HERC4: variants seen among roughly 807,000 people sequenced by gnomAD.
HERC4 encodes the protein probable E3 ubiquitin-protein ligase HERC4.
A neutral mutation model predicts 124.3 loss-of-function variants in HERC4; 28 were observed. The ratio of observed to expected loss-of-function variants is 0.23; its 90% confidence interval spans 0.17 to 0.31. The LOEUF (loss-of-function observed/expected upper bound fraction) is 0.31, where lower values mean the gene tolerates loss of function less well. HERC4 is among the 10% of genes least tolerant of loss of function. The pLI, the probability that HERC4 is intolerant of heterozygous loss-of-function variation, is 1.00. For missense variants in HERC4, 713 were observed against 1,229.3 expected (o/e 0.58, Z 6.28); for synonymous variants, 407 against 421.5 (o/e 0.97, Z 0.42).
At chr10:67,984,644 A>G (rs2036154401) in intron 15 of HERC4, among the ~76,000 whole-genome samples, 2 of 152,070 alleles carry the variant, frequency 1.3e-5, no homozygotes, top group South Asian at 2.1e-4. Context: ...GTGCAATGGC[A>G]CGATTTCGAC....
chr10:68,068,172 G>A (rs917479964), intron 3 of HERC4: 2 of 152,170 alleles, frequency 1.3e-5, no homozygotes, highest in African/African-American at 4.8e-5. Context: ...AACATAGGGA[G>A]ACCCCCTTCT....
At chr10:68,036,907 T>C (rs2039501872) in intron 5 of HERC4, among the ~76,000 whole-genome samples, 1 of 152,116 alleles carries the variant, frequency 6.6e-6, no homozygotes, top group Non-Finnish European at 1.5e-5. Context: ...AGTACATATT[T>C]TTTTCTGCCT....
chr10:67,966,330 A>C (rs10509292), intron 16 of HERC4: 22,486 of 217,358 alleles, frequency 0.1, 1,543 homozygotes, highest in South Asian at 0.17. Context: ...CATTCTTAGG[A>C]GTTCCAGTAT....
chr10:68,070,321 C>T (rs2041507851), intron 3 of HERC4: 2 of 954,454 alleles, frequency 2.1e-6, no homozygotes, highest in Non-Finnish European at 2.5e-6. Context: ...TAAAAAACAT[C>T]TTAGGCCAGG....
At chr10:67,974,682 T>C (rs17533770) in intron 15 of HERC4, among the ~76,000 whole-genome samples, 14,271 of 152,256 alleles carry the variant, frequency 0.094, 899 homozygotes, top group Middle Eastern at 0.18. Context: ...GTATGCTTAT[T>C]GTTAATTTTT....
At chr10:67,980,724 T>C (rs1054796868) in intron 15 of HERC4, among the ~76,000 whole-genome samples, 31 of 151,926 alleles carry the variant, frequency 2.0e-4, no homozygotes, top group African/African-American at 7.0e-4. Flanking sequence ...AAGATATAAA[T>C]AGAAACAACA....
At chr10:67,972,489 A>T (rs2035302127) in intron 15 of HERC4, among the ~76,000 whole-genome samples, 1 of 133,612 alleles carries the variant, frequency 7.5e-6, no homozygotes, top group Non-Finnish European at 1.5e-5. Flanking sequence ...CCTGCACTCC[A>T]GCCTGGGCAA....
intron 15 of HERC4, among the ~76,000 whole-genome samples, chr10:67,981,949 G>GA (rs1393856126): frequency 4.6e-5 from 7 of 151,406 alleles, no homozygotes; most frequent in Non-Finnish European, 7.4e-5. Context: ...CATCTCAAAA[G>GA]AAAAAAAGAA....
chr10:67,941,826 T>C (rs1217156534), intron 19 of HERC4, among the ~76,000 whole-genome samples: 1 of 151,928 alleles, frequency 6.6e-6, no homozygotes, highest in Non-Finnish European at 1.5e-5. Context: ...AGGCTAATTT[T>C]TGTATTTTTA....
chr10:68,023,671 A>G (rs1218548963), intron 8 of HERC4, among the ~76,000 whole-genome samples: 1 of 152,198 alleles, frequency 6.6e-6, no homozygotes, highest in African/African-American at 2.4e-5. Flanking sequence ...AATACCATGG[A>G]CTGTATACTT....
At chr10:68,022,500 AAAATAAATAAATAAAT>A (rs34560535) in intron 8 of HERC4, among the ~76,000 whole-genome samples, 14 of 143,916 alleles carry the variant, frequency 9.7e-5, no homozygotes, top group South Asian at 2.2e-4. Flanking sequence ...ACTCCATCTC[AAAATAAATAAATAAAT>A]AAATAAATAA....
chr10:67,951,400 C>A (rs550332887), intron 19 of HERC4, among the ~76,000 whole-genome samples: 2 of 152,168 alleles, frequency 1.3e-5, no homozygotes, highest in Non-Finnish European at 2.9e-5. Context: ...TACAAAGCCT[C>A]GAAACTCATA....
chr10:68,025,407 T>C lies in HERC4; in HGVS notation c.908+139A>G, dbSNP rs1018181218. ...AAAAAAGATGTTTCTCCTGTTACTA[T>C]GACTCCTCAGTGGCAAAATAGGTAT... is the stretch of plus-strand genomic sequence containing the variant. On this transcript the variant is annotated intron_variant, in intron 8 of 24. Transcript: ENST00000373700. The C allele has an allele frequency of 2.1e-5, 17 of 821,940 alleles. No homozygotes were observed. The African/African-American group carries it at 2.9e-4, about 14-fold the overall frequency. 50.9% of individuals were successfully genotyped at this position (821,940 alleles called of 1,614,324 possible). A position where few individuals can be genotyped will look rare whatever the true frequency, so the allele number is the denominator to read the frequency against.
intron 14 of HERC4, 125 bp downstream of exon 14, chr10:67,990,086 G>T: frequency 1.5e-6 from 1 of 652,854 alleles, no homozygotes; most frequent in Non-Finnish European, 2.5e-6. Flanking sequence ...GGAAAAACAG[G>T]TTCATTTTTG....
chr10:68,033,816 T>G, intron 6 of HERC4, 149 bp downstream of exon 6: 1 of 626,418 alleles, frequency 1.6e-6, no homozygotes, highest in Non-Finnish European at 2.8e-6. Context: ...TCCCACTGCA[T>G]TCCCCAAATG....
At chr10:68,072,108 C>A (rs1205115284) in intron 3 of HERC4, among the ~76,000 whole-genome samples, 4 of 152,170 alleles carry the variant, frequency 2.6e-5, no homozygotes, top group Non-Finnish European at 5.9e-5. Context: ...GCAGTCTCAT[C>A]TGAATTTACC....
intron 8 of HERC4, among the ~76,000 whole-genome samples, chr10:68,018,900 CTT>C (rs34948748): frequency 3.8e-4 from 35 of 93,110 alleles, no homozygotes; most frequent in Admixed American, 4.6e-4. Context: ...CCCCACAAGG[CTT>C]TTTTTTTTTT....
intron 9 of HERC4, among the ~76,000 whole-genome samples, chr10:68,012,922 G>C (rs943163326): frequency 6.6e-6 from 1 of 152,052 alleles, no homozygotes; most frequent in Admixed American, 6.6e-5. Context: ...AGCGATATAA[G>C]ACAATGCATG....
chr10:68,010,627 GAATATT>G, intron 9 of HERC4: 1 of 1,416,062 alleles, frequency 7.1e-7, no homozygotes, highest in East Asian at 2.4e-5. Flanking sequence ...CATATCTCCT[GAATATT>G]TTCATTGTTG....
Sources: allele counts gnomAD v4.1 joint callset (sites outside exome capture counted in the v4.1 genomes callset), GRCh38; gene constraint gnomAD v4.1.1; transcripts MANE v1.5; gene names NCBI Gene and HGNC (gene_info 2026-07-23, HGNC 2026-07-21).